Variants in TNS1 observed in about 807,000 individuals in gnomAD.
The protein encoded by TNS1 is tensin 1.
In TNS1, 62 loss-of-function variants were observed where a neutral mutation model predicts 168.6. The ratio of observed to expected loss-of-function variants is 0.37; its 90% CI spans 0.30 to 0.45. The LOEUF is 0.45. TNS1 is among the 20% of genes least tolerant of loss of function. The pLI, the probability that TNS1 is intolerant of heterozygous loss-of-function variation, is 1.00. For synonymous variants in TNS1, 934 were observed against 933.2 expected (o/e 1.00, Z -0.02); for missense variants, 2,240 against 2,339.4 (o/e 0.96, Z 0.88).
At chr2:217,942,875 C>T (rs1251246066) in intron 3 of TNS1, among the ~76,000 whole-genome samples, 5 of 152,142 alleles carry the variant, frequency 3.3e-5, no homozygotes, top group Admixed American at 6.5e-5. Flanking sequence ...GGGAGCACAG[C>T]AGGCTTCTCC....
At chr2:217,841,421 G>A (rs369596606) in intron 19 of TNS1, 32 of 226,756 alleles carry the variant, frequency 1.4e-4, no homozygotes, top group Admixed American at 8.5e-4. Context: ...TGCAGGGGAC[G>A]GGGCATTAAA....
chr2:217,851,647 G>C (rs948222460), intron 18 of TNS1, among the ~76,000 whole-genome samples: 2 of 152,178 alleles, frequency 1.3e-5, no homozygotes, highest in African/African-American at 4.8e-5. Context: ...CTGAAAAGGG[G>C]TTTTGGCTAA....
At chr2:217,807,181 G>A (rs1351225191) in intron 32 of TNS1, among the ~76,000 whole-genome samples, 7 of 152,210 alleles carry the variant, frequency 4.6e-5, no homozygotes, top group African/African-American at 1.4e-4. Context: ...GCTATAAACA[G>A]CAATCCAAAA....
Position 217,848,034 on chromosome 2 carries a change from T to C in TNS1, c.2483A>G (p.Gln828Arg), listed in dbSNP as rs746622492. 5 of 1,527,086 alleles carry C rather than the reference T, an allele frequency of 3.3e-6. No individual in the cohort carries two copies. The highest frequency in any genetic ancestry group is 8.8e-7 in the Non-Finnish European group (1 of 1,137,644). 94.6% of individuals were successfully genotyped at this position (1,527,086 alleles called of 1,614,324 possible). ...LPEFPRAASQ[Q>R]EIEQSIETLN... ...TGTTTCGATGGACTGTTCAATCTCC[T>C]GCTGGGAGGCTGCTCGCGGGAACTC... Residue 828 changes from glutamine to arginine, a missense_variant, in exon 19 of 33, where the codon CAG (glutamine) becomes CGG (arginine). Coordinates refer to ENST00000682258, the MANE Select transcript of TNS1 (RefSeq NM_001387777.1).
intron 3 of TNS1, among the ~76,000 whole-genome samples, chr2:217,957,037 C>T (rs897231703): frequency 1.3e-5 from 2 of 152,176 alleles, no homozygotes; most frequent in African/African-American, 4.8e-5. Context: ...AGGACCTTGG[C>T]TAGCAATGAA....
chr2:217,817,086 A>G (rs1403811067), intron 24 of TNS1, among the ~76,000 whole-genome samples: 1 of 152,138 alleles, frequency 6.6e-6, no homozygotes, highest in East Asian at 1.9e-4. Flanking sequence ...GGGCTGGCAA[A>G]GGTATGGAGA....
chr2:217,808,084 G>C lies in TNS1; in HGVS notation c.5366C>G (p.Ala1789Gly). ...AAGAAGTCACACTTACTTAGCAGGG[G>C]CACCACCCTCTGTTTTCATCCACCT... ...ERKWMKTEGGAPAKLFGFVAR... is the reference protein window; with the variant it reads ...ERKWMKTEGGGPAKLFGFVAR... The change falls in exon 32 of 33, where the codon GCC becomes GGC. Residue 1789 changes from alanine (A) to glycine (G), a missense_variant. By Grantham distance (60) the Ala-to-Gly change is moderately conservative. Transcript: ENST00000682258. The C allele has an allele frequency of 6.2e-7, 1 of 1,613,170 alleles. No homozygotes were observed. Among genetic ancestry groups the C allele is most frequent in the Non-Finnish European group, 8.5e-7 (1 of 1,179,972 alleles).
At chr2:217,919,699 AGAG>A (rs1290609769) in intron 4 of TNS1, among the ~76,000 whole-genome samples, 1 of 152,242 alleles carries the variant, frequency 6.6e-6, no homozygotes, top group African/African-American at 2.4e-5. Flanking sequence ...GGTGACGGGA[AGAG>A]GAGTGGGGGA....
chr2:217,840,827 G>A (rs1195946790), intron 19 of TNS1, among the ~76,000 whole-genome samples: 3 of 152,216 alleles, frequency 2.0e-5, no homozygotes, highest in Admixed American at 1.3e-4. Flanking sequence ...CTCCTCAGGG[G>A]ACCCTGAATG....
intron 28 of TNS1, 142 bp downstream of exon 28, chr2:217,812,226 A>T (rs562615070): frequency 3.4e-6 from 2 of 581,946 alleles, no homozygotes; most frequent in Non-Finnish European, 6.0e-6. Context: ...AGAAAAGGAG[A>T]GTAGTTTTGA....
chr2:217,847,860 T>G lies in TNS1; in HGVS notation c.2657A>C (p.Gln886Pro). ...GSSRQSHPLT[Q>P]SRSGYIPSGH... ...ACTGGGGATATAGCCAGATCTGGAC[T>G]GGGTCAGTGGATGGGACTGACGGGA... Residue 886 changes from glutamine to proline, a missense_variant, in exon 19 of 33, where the codon CAG (glutamine) becomes CCG (proline). By Grantham distance (76) the Gln-to-Pro change is moderately conservative. This residue lies in a region of TNS1 where 2,131 missense variants were observed against 2,171.2 expected (regional missense o/e 0.98). Transcript: ENST00000682258. 6.3e-7 allele frequency: 1 copy of G among 1,580,674 alleles called. No individual in the cohort carries two copies. The highest frequency in any genetic ancestry group is 8.7e-7 in the Non-Finnish European group (1 of 1,154,224).
intron 3 of TNS1, among the ~76,000 whole-genome samples, chr2:217,972,658 A>T (rs1957799265): frequency 6.6e-6 from 1 of 152,254 alleles, no homozygotes; most frequent in Non-Finnish European, 1.5e-5. Flanking sequence ...CAAGAGGCTG[A>T]AGCCTGGGCC....
intron 3 of TNS1, among the ~76,000 whole-genome samples, chr2:217,956,961 C>A (rs965878433): frequency 6.6e-6 from 1 of 152,186 alleles, no homozygotes; most frequent in Non-Finnish European, 1.5e-5. Flanking sequence ...CTTTCCCAGC[C>A]CTAAGGAGAC....
chr2:217,859,281 C>A, intron 18 of TNS1: 1 of 270,954 alleles, frequency 3.7e-6, no homozygotes, highest in Non-Finnish European at 6.9e-6. Flanking sequence ...TTTTTCCATT[C>A]TCAGCAAATG....
chr2:217,983,416 A>C (rs1958107354), intron 2 of TNS1, among the ~76,000 whole-genome samples: 1 of 152,160 alleles, frequency 6.6e-6, no homozygotes. Flanking sequence ...CCACGATGTC[A>C]GCACTGCCCC....
At chr2:217,907,132 A>G (rs905857431) in intron 5 of TNS1, 78 bp downstream of exon 5, 3 of 693,512 alleles carry the variant, frequency 4.3e-6, no homozygotes, top group Non-Finnish European at 7.9e-6. Context: ...CTCTCCCCCA[A>G]ATCCACTCTC....
At chr2:217,980,504 CACAGAGAG>C (rs1158453547) in intron 2 of TNS1, among the ~76,000 whole-genome samples, 2,876 of 131,300 alleles carry the variant, frequency 0.022, 100 homozygotes, top group African/African-American at 0.075. Flanking sequence ...CCTACACACA[CACAGAGAG>C]AGAGAGAGAG....
chr2:217,836,304 A>G, intron 19 of TNS1, 93 bp from the exon 20 acceptor site: 1 of 1,269,278 alleles, frequency 7.9e-7, no homozygotes, highest in Non-Finnish European at 1.1e-6. Context: ...AGTGCCTCCT[A>G]GCTCAGAGGC....
intron 3 of TNS1, among the ~76,000 whole-genome samples, chr2:217,939,620 A>G (rs1195550065): frequency 1.3e-5 from 2 of 152,228 alleles, no homozygotes; most frequent in Non-Finnish European, 2.9e-5. Context: ...AAGGGCCAGA[A>G]TTCCCCCCAG....
Sources: allele counts gnomAD v4.1 joint callset (sites outside exome capture counted in the v4.1 genomes callset), GRCh38; gene constraint gnomAD v4.1.1; regional missense constraint gnomAD v4.1.1; transcripts MANE v1.5; gene names NCBI Gene and HGNC (gene_info 2026-07-23, HGNC 2026-07-21).